AKAP6: variants seen among roughly 807,000 people sequenced by gnomAD.
The protein encoded by AKAP6 is A-kinase anchoring protein 6.
In AKAP6, 58 loss-of-function variants were observed where a neutral mutation model predicts 188.5. The ratio of observed to expected loss-of-function variants is 0.31; its 90% CI spans 0.25 to 0.38. The LOEUF is 0.38. Among genes scored for constraint, AKAP6 ranks in the 10% least tolerant of loss-of-function variants. The probability of loss-of-function intolerance (pLI) is 1.00; values close to 1 mark genes in which losing one functional copy is unlikely to be tolerated. For missense variants in AKAP6, 2,710 were observed against 2,740.0 expected, an observed-to-expected ratio of 0.99 and a Z score of 0.24; for synonymous variants, 989 against 998.6, an observed-to-expected ratio of 0.99 and a Z score of 0.18.
At chr14:32,485,977 C>T (rs1879663565) in intron 2 of AKAP6, among the ~76,000 whole-genome samples, 1 of 152,174 alleles carries the variant, frequency 6.6e-6, no homozygotes, top group Non-Finnish European at 1.5e-5. Flanking sequence ...TTCAATCCAT[C>T]TTGAGTTAAT....
chr14:32,446,321 G>A (rs936397419), intron 2 of AKAP6, among the ~76,000 whole-genome samples: 2 of 152,086 alleles, frequency 1.3e-5, no homozygotes, highest in African/African-American at 2.4e-5. Flanking sequence ...GTTGGATTAT[G>A]CTCTTTTATA....
intron 1 of AKAP6, among the ~76,000 whole-genome samples, chr14:32,385,519 A>G (rs1888504544): frequency 6.6e-6 from 1 of 151,264 alleles, no homozygotes; most frequent in Non-Finnish European, 1.5e-5. Context: ...CCCTAGCAGT[A>G]TACACTGCAC....
Position 32,364,092 on chromosome 14 carries a change from C to G in AKAP6, c.-35+34684C>G, listed in dbSNP as rs188255501. 4.1e-3 allele frequency among the ~76,000 whole-genome samples: 624 copies of G among 152,242 alleles called. 5 individuals carry two copies. Among genetic ancestry groups the G allele is most frequent in the African/African-American group, 0.014 (591 of 41,534 alleles). On this transcript the variant is annotated intron_variant, in intron 1 of 13. Coordinates refer to ENST00000280979, the MANE Select transcript of AKAP6 (RefSeq NM_004274.5). ...GTGGTAGGAGAGAGAACAGGAGAAGCAAGCGTGGCGTGGTAAGCTGCTTTA... is the reference window on the plus strand; with the variant it reads ...GTGGTAGGAGAGAGAACAGGAGAAGGAAGCGTGGCGTGGTAAGCTGCTTTA...
At chr14:32,615,558 C>G (rs1886537879) in intron 7 of AKAP6, among the ~76,000 whole-genome samples, 3 of 147,076 alleles carry the variant, frequency 2.0e-5, no homozygotes, top group African/African-American at 7.7e-5. Context: ...ACAATACTTC[C>G]TTTTACATGT....
rs1344066027 is a variant in AKAP6, at chr14:32,833,179, A to T, written c.*3374A>T. 1 of 152,160 alleles carries T rather than the reference A, an allele frequency of 6.6e-6. No homozygotes were observed. The highest frequency in any genetic ancestry group is 2.4e-5 in the African/African-American group (1 of 41,446). 9.4% of individuals were successfully genotyped at this position (152,160 alleles called of 1,614,324 possible). On this transcript the variant is annotated 3_prime_UTR_variant, in exon 14 of 14. Coordinates refer to ENST00000280979, the MANE Select transcript of AKAP6 (RefSeq NM_004274.5). ...ACTCCCTCCGCTTATTTATTCATTTATTCAGCCATTCAGCAAACATTTATT... is the reference window on the plus strand; with the variant it reads ...ACTCCCTCCGCTTATTTATTCATTTTTTCAGCCATTCAGCAAACATTTATT...
chr14:32,557,426 G>A (rs1594741953), intron 4 of AKAP6, among the ~76,000 whole-genome samples: 1 of 152,234 alleles, frequency 6.6e-6, no homozygotes, highest in South Asian at 2.1e-4. Context: ...AAAAAGTCCT[G>A]TCTAGCCATT....
intron 1 of AKAP6, among the ~76,000 whole-genome samples, chr14:32,345,749 G>A (rs545826325): frequency 6.6e-6 from 1 of 152,248 alleles, no homozygotes; most frequent in Admixed American, 6.5e-5. Flanking sequence ...TAGAAAAGCT[G>A]GGGAGGGGTG....
At chr14:32,511,373 T>C (rs1014605119) in intron 2 of AKAP6, among the ~76,000 whole-genome samples, 3 of 8,352 alleles carry the variant, frequency 3.6e-4, no homozygotes, top group South Asian at 8.5e-4. Context: ...ACCTTCTTGG[T>C]TTTTTTTTTT....
chr14:32,360,712 AGTGT>A (rs35969035), intron 1 of AKAP6, among the ~76,000 whole-genome samples: 9,109 of 136,054 alleles, frequency 0.067, 665 homozygotes, highest in African/African-American at 0.19. Context: ...TTGGCCATTG[AGTGT>A]GTGTGTGTGT....
chr14:32,417,351 C>G (rs1336178964), intron 1 of AKAP6, among the ~76,000 whole-genome samples: 1 of 151,984 alleles, frequency 6.6e-6, no homozygotes, highest in Non-Finnish European at 1.5e-5. Context: ...TATGCGATCC[C>G]TATGAAACGA....
In AKAP6 at chr14:32,486,103, G is replaced by A. The variant is rs542246656; in HGVS notation, c.325-49451G>A. ...CTTTTTCCATTGCTTGTTTGTGTCA[G>A]GTTTGTCAAGGGTCAGATGGTCGTA... On this transcript the variant is annotated intron_variant, in intron 2 of 13. Transcript: ENST00000280979. Among the ~76,000 whole-genome samples the A allele has an allele frequency of 6.6e-5, 10 of 152,246 alleles. No individual in the cohort carries two copies. In the South Asian group the frequency reaches 2.1e-3, roughly 32 times the overall value.
chr14:32,556,491 C>T lies in AKAP6; in HGVS notation c.2346+9492C>T, dbSNP rs188283877. Among the ~76,000 whole-genome samples, 362 of 152,100 alleles carry T rather than the reference C, an allele frequency of 2.4e-3. 1 individual carries two copies. The highest frequency in any genetic ancestry group is 9.7e-3 in the East Asian group (50 of 5,162). On this transcript the variant is annotated intron_variant, in intron 4 of 13. Transcript: ENST00000280979. ...CTGAGTAGCTGGGACTACAGGCATG[C>T]GCCACCACACCTGGCTAATTTTTGC...
intron 1 of AKAP6, among the ~76,000 whole-genome samples, chr14:32,329,610 A>C (rs962095468): frequency 2.0e-5 from 3 of 152,116 alleles, no homozygotes; most frequent in African/African-American, 7.2e-5. Flanking sequence ...ATGTAGAATT[A>C]TTCTTGCTCC....
At chr14:32,827,821 T>C (rs778880248) in intron 13 of AKAP6, among the ~76,000 whole-genome samples, 2 of 152,236 alleles carry the variant, frequency 1.3e-5, no homozygotes, top group Non-Finnish European at 2.9e-5. Flanking sequence ...CATAAGCCTC[T>C]GATCTTTGAT....
Position 32,631,679 on chromosome 14 carries a change from T to C in AKAP6, c.2730+30887T>C, listed in dbSNP as rs544330428. 2.2e-4 allele frequency among the ~76,000 whole-genome samples: 33 copies of C among 152,208 alleles called. 2 individuals are homozygous for C. The South Asian group carries it at 6.4e-3, about 30-fold the overall frequency. ...AGTAAGATGTAGCTCATGATGCTAG[T>C]TGAGTTACTCTGCAGAAAGTAGCCT... On this transcript the variant is annotated intron_variant, in intron 7 of 13. Coordinates refer to ENST00000280979, the MANE Select transcript of AKAP6 (RefSeq NM_004274.5).
chr14:32,393,048 C>T (rs1413732468), intron 1 of AKAP6, among the ~76,000 whole-genome samples: 1 of 151,964 alleles, frequency 6.6e-6, no homozygotes, highest in Non-Finnish European at 1.5e-5. Flanking sequence ...AGAATCATCA[C>T]TGGTTGCTAA....
chr14:32,379,020 G>T (rs780574549), intron 1 of AKAP6, among the ~76,000 whole-genome samples: 66 of 151,664 alleles, frequency 4.4e-4, no homozygotes, highest in Non-Finnish European at 7.7e-4. Flanking sequence ...CTGGGTTCAA[G>T]CGATTCTCCT....
intron 7 of AKAP6, among the ~76,000 whole-genome samples, chr14:32,619,392 T>C (rs1886721248): frequency 1.3e-5 from 2 of 152,188 alleles, no homozygotes; most frequent in Admixed American, 6.5e-5. Flanking sequence ...TTCATTCTTC[T>C]ACTTTGGCTA....
At chr14:32,813,623 C>T (rs1448682632) in intron 12 of AKAP6, among the ~76,000 whole-genome samples, 1 of 152,182 alleles carries the variant, frequency 6.6e-6, no homozygotes, top group Non-Finnish European at 1.5e-5. Context: ...TGCCAGAGAA[C>T]TGGGACAAAG....
Sources: gnomAD v4.1 joint callset for allele counts (sites outside exome capture counted in the v4.1 genomes callset) on GRCh38, gnomAD v4.1.1 for gene constraint, MANE v1.5 for transcripts, NCBI Gene and HGNC (gene_info 2026-07-23, HGNC 2026-07-21) for gene names.